PTPN3: variants seen among roughly 807,000 people sequenced by gnomAD.
PTPN3 encodes the protein protein tyrosine phosphatase non-receptor type 3.
In PTPN3, 96 loss-of-function variants were observed where a neutral mutation model predicts 132.7. The observed-to-expected ratio is 0.72, with a 90% CI of 0.61 to 0.86. PTPN3 has a LOEUF of 0.86. PTPN3 is among the 40% of genes least tolerant of loss of function. PTPN3 has a pLI of 0.00. For synonymous variants in PTPN3, 398 were observed against 429.0 expected (o/e 0.93, Z 0.89); for missense variants, 1,125 against 1,159.6 (o/e 0.97, Z 0.43).
At chr9:109,423,857 G>A (rs372826643) in intron 12 of PTPN3, among the ~76,000 whole-genome samples, 1 of 152,118 alleles carries the variant, frequency 6.6e-6, no homozygotes, top group Non-Finnish European at 1.5e-5. Flanking sequence ...ACATTTCCTT[G>A]TGACATGACA....
chr9:109,422,868 C>G lies in PTPN3; in HGVS notation c.1002-16G>C. On this transcript the variant is annotated splice_polypyrimidine_tract_variant and intron_variant, in intron 12 of 25. Transcript: ENST00000374541. The stretch of plus-strand genomic sequence containing the variant: ...ATTTACCGACCTGAAAAACCAGATG[C>G]AGGTTCACTTTCTACACTGACGTTC... The G allele has an allele frequency of 6.2e-7, 1 of 1,610,782 alleles. No homozygotes were observed. The highest frequency in any genetic ancestry group is 8.5e-7 in the Non-Finnish European group (1 of 1,177,296).
intron 19 of PTPN3, among the ~76,000 whole-genome samples, chr9:109,394,652 T>C (rs181672377): frequency 2.8e-4 from 42 of 152,294 alleles, no homozygotes; most frequent in Non-Finnish European, 4.7e-4. Context: ...AATTTATAAC[T>C]TGTAAATTTA....
intron 6 of PTPN3, among the ~76,000 whole-genome samples, chr9:109,447,200 A>G (rs1844921292): frequency 6.6e-6 from 1 of 152,162 alleles, no homozygotes; most frequent in Non-Finnish European, 1.5e-5. Context: ...AAGACAACCC[A>G]TTATTTGGAG....
the PTPN3 span, among the ~76,000 whole-genome samples, chr9:109,507,607 C>G: frequency 6.6e-6 from 1 of 152,218 alleles, no homozygotes; most frequent in African/African-American, 2.4e-5. Context: ...GCATCACAGT[C>G]CAAACGGACT....
chr9:109,468,655 C>T (rs1420248265), intron 1 of PTPN3, among the ~76,000 whole-genome samples: 7 of 152,172 alleles, frequency 4.6e-5, no homozygotes, highest in African/African-American at 1.2e-4. Flanking sequence ...CGTGAGCCAC[C>T]GCGCCCGGCT....
At chr9:109,485,753 C>G (rs991741761) in intron 1 of PTPN3, among the ~76,000 whole-genome samples, 1 of 152,102 alleles carries the variant, frequency 6.6e-6, no homozygotes, top group Non-Finnish European at 1.5e-5. Flanking sequence ...ACGGGAGAGC[C>G]TCTGTCCTGG....
Position 109,406,519 on chromosome 9 carries a change from T to A in PTPN3, c.1735A>T (p.Ile579Phe). The A allele has an allele frequency of 1.2e-6, 2 of 1,614,204 alleles. No homozygotes were observed. Among genetic ancestry groups the A allele is most frequent in the Non-Finnish European group, 8.5e-7 (1 of 1,180,028 alleles). Residue 579 changes from isoleucine (I) to phenylalanine (F), a missense_variant, in exon 18 of 26, where the codon ATC (isoleucine) becomes TTC (phenylalanine). Ile to Phe is a conservative substitution (Grantham distance 21). Coordinates refer to ENST00000374541, the MANE Select transcript of PTPN3 (RefSeq NM_002829.4). ...EHTHDQVVMF[I>F]KASRESHSRE... The stretch of plus-strand genomic sequence containing the variant: ...GAGTGGGACTCCCGGCTGGCTTTGA[T>A]GAACATCACCACTTGGTCATGCGTG...
At position 109,410,316 on chromosome 9, in the gene PTPN3, G is replaced by A. The variant is rs757960460; in HGVS notation, c.1413C>T (p.Asp471=). 22 of 1,614,052 alleles carry A rather than the reference G, an allele frequency of 1.4e-5. No homozygotes were observed. The highest frequency in any genetic ancestry group is 1.8e-5 in the Non-Finnish European group (21 of 1,180,030). Residue 471 remains aspartate, a synonymous_variant, in exon 15 of 26, where the codon GAC becomes GAT. Transcript: ENST00000374541. The stretch of plus-strand genomic sequence containing the variant: ...CATCTAAGAGCTGCTGATCAACGCC[G>A]TCAGGTGAGCAGGAGCCTGGAGCAT... ...SSNAPGSCSP[D]GVDQQLLDDF...
At chr9:109,530,033 G>A in the PTPN3 span, among the ~76,000 whole-genome samples, 22 of 152,134 alleles carry the variant, frequency 1.4e-4, no homozygotes, top group Non-Finnish European at 2.5e-4. Flanking sequence ...ACAGGTGCGA[G>A]CCACCATGTC....
chr9:109,511,231 G>A, the PTPN3 span, among the ~76,000 whole-genome samples: 11 of 152,062 alleles, frequency 7.2e-5, no homozygotes, highest in African/African-American at 2.4e-4. Context: ...CATGAGTAGG[G>A]GTGACTGTGA....
At chr9:109,393,091 C>T (rs980798648) in intron 19 of PTPN3, 2 of 152,208 alleles carry the variant, frequency 1.3e-5, no homozygotes, top group Non-Finnish European at 2.9e-5. Context: ...ATCAGCTAAA[C>T]ATATCTCAAG....
chr9:109,409,019 C>T (rs1841857348), intron 16 of PTPN3, among the ~76,000 whole-genome samples: 1 of 151,788 alleles, frequency 6.6e-6, no homozygotes, highest in Non-Finnish European at 1.5e-5. Flanking sequence ...GGTAGGCGAC[C>T]ACCTGCCCTC....
chr9:109,532,827 A>T, the PTPN3 span: 1 of 928,098 alleles, frequency 1.1e-6, no homozygotes, highest in Non-Finnish European at 1.4e-6. Context: ...GATAAGTCGG[A>T]ATTTACTCAG....
At chr9:109,529,932 G>C in the PTPN3 span, among the ~76,000 whole-genome samples, 1 of 151,748 alleles carries the variant, frequency 6.6e-6, no homozygotes, top group Admixed American at 6.6e-5. Context: ...ATTTATTGTA[G>C]AGACGGGCAT....
chr9:109,394,196 T>G (rs536343867), intron 19 of PTPN3, among the ~76,000 whole-genome samples: 1 of 152,296 alleles, frequency 6.6e-6, no homozygotes, highest in East Asian at 1.9e-4. Context: ...TAATCAACAA[T>G]TAAGTGAATA....
At position 109,420,445 on chromosome 9, in the gene PTPN3, T is replaced by C. The variant is rs1412097270; in HGVS notation, c.1292A>G (p.Gln431Arg). 2 of 1,603,762 alleles carry C rather than the reference T, an allele frequency of 1.2e-6. No homozygotes were observed. The highest frequency in any genetic ancestry group is 1.7e-5 in the Admixed American group (1 of 59,620). The stretch of plus-strand genomic sequence containing the variant: ...TTACTCTTGGTGCGGGCTTCGGTTC[T>C]GAGAAACTTCAGAATCGCTGTCTTG... Reference protein sequence around the residue: ...APQDSDSEVSQNRSPHQESLS... With the variant: ...APQDSDSEVSRNRSPHQESLS... Residue 431 changes from glutamine (Q) to arginine (R), a missense_variant, in exon 14 of 26, where the codon CAG becomes CGG. Coordinates refer to ENST00000374541, the MANE Select transcript of PTPN3 (RefSeq NM_002829.4).
At chr9:109,389,201 C>T (rs201173215) in intron 22 of PTPN3, 32 bp downstream of exon 22, 1 of 1,611,436 alleles carries the variant, frequency 6.2e-7, no homozygotes, top group South Asian at 1.1e-5. Flanking sequence ...TGTGACACTG[C>T]ACACATCTGA....
At position 109,455,409 on chromosome 9, in the gene PTPN3, T is replaced by A. The variant is rs574373008; in HGVS notation, c.290-835A>T. Among the ~76,000 whole-genome samples, 7 of 152,344 alleles carry A rather than the reference T, an allele frequency of 4.6e-5. No individual in the cohort carries two copies. The South Asian group carries it at 1.2e-3, about 27-fold the overall frequency. ...AGCCCTATCTAGGCACTGAGCACTT[T>A]CTTGCTCTCTGCAACTCAAGTCCTT... On this transcript the variant is annotated intron_variant, in intron 4 of 25. Coordinates refer to ENST00000374541, the MANE Select transcript of PTPN3 (RefSeq NM_002829.4).
the PTPN3 span, among the ~76,000 whole-genome samples, chr9:109,507,547 C>T: frequency 3.3e-5 from 5 of 152,326 alleles, no homozygotes; most frequent in African/African-American, 9.6e-5. Context: ...TGCGCCCTGG[C>T]GTCCTGCTAG....
Sources: allele counts gnomAD v4.1 joint callset (sites outside exome capture counted in the v4.1 genomes callset), GRCh38; gene constraint gnomAD v4.1.1; transcripts MANE v1.5; gene names NCBI Gene and HGNC (gene_info 2026-07-23, HGNC 2026-07-21).